Variants in CHORDC1 observed in about 807,000 individuals in gnomAD.
CHORDC1 encodes the protein cysteine and histidine-rich domain-containing protein 1.
A neutral mutation model predicts 48.3 loss-of-function variants in CHORDC1; 25 were observed. The ratio of observed to expected loss-of-function variants is 0.52; its 90% confidence interval spans 0.38 to 0.72. The LOEUF is 0.72. CHORDC1 is among the 30% of genes least tolerant of loss of function. The pLI, the probability that CHORDC1 is intolerant of heterozygous loss-of-function variation, is 0.00. For missense variants in CHORDC1, 317 were observed against 388.7 expected (o/e 0.82, Z 1.55); for synonymous variants, 128 against 126.4 (o/e 1.01, Z -0.09).
intron 5 of CHORDC1, 75 bp downstream of exon 5, chr11:90,211,140 C>T: frequency 2.0e-6 from 2 of 999,666 alleles, no homozygotes; most frequent in Non-Finnish European, 1.5e-6. Context: ...ATGCAGTAAA[C>T]TACTATTCTC....
intron 6 of CHORDC1, chr11:90,206,925 T>C (rs1857712121): frequency 2.4e-6 from 1 of 416,150 alleles, no homozygotes; most frequent in South Asian, 1.9e-5. Flanking sequence ...ATTCTGTGTT[T>C]ATCTTTTATA....
rs1225540738 is a variant in CHORDC1 at position 90,201,877 on chromosome 11, C to T, written c.*528G>A. 2 of 152,170 alleles carry T rather than the reference C, an allele frequency of 1.3e-5. No individual in the cohort carries two copies. The highest frequency in any genetic ancestry group is 2.4e-5 in the African/African-American group (1 of 41,402). 9.4% of individuals were successfully genotyped at this position (152,170 alleles called of 1,614,324 possible). ...TAATTTGTTAAACAATTCATATATTCCCCTTTAGTTACTATACTACCTCAG... is the reference window on the plus strand; with the variant it reads ...TAATTTGTTAAACAATTCATATATTTCCCTTTAGTTACTATACTACCTCAG... On this transcript the variant is annotated 3_prime_UTR_variant, in exon 11 of 11. Coordinates refer to ENST00000320585, the MANE Select transcript of CHORDC1 (RefSeq NM_012124.3).
At chr11:90,205,783 A>G in intron 7 of CHORDC1, 1 of 521,514 alleles carries the variant, frequency 1.9e-6, no homozygotes, top group Admixed American at 3.8e-5. Flanking sequence ...TCTATAAACT[A>G]GAGCATAATA....
intron 6 of CHORDC1, among the ~76,000 whole-genome samples, chr11:90,209,662 T>C (rs1452198946): frequency 1.3e-5 from 2 of 152,132 alleles, no homozygotes; most frequent in African/African-American, 4.8e-5. Flanking sequence ...ATGCAAGTTT[T>C]ATATCAAGTA....
At chr11:90,213,191 A>T in intron 4 of CHORDC1, 1 of 435,802 alleles carries the variant, frequency 2.3e-6, no homozygotes, top group Non-Finnish European at 4.1e-6. Flanking sequence ...ACAAATAAAC[A>T]TCTAAAGTCT....
At chr11:90,222,705 G>C (rs1191140190) in intron 1 of CHORDC1, 186 bp downstream of exon 1, 1 of 711,346 alleles carries the variant, frequency 1.4e-6, no homozygotes, top group South Asian at 1.5e-5. Flanking sequence ...CGCTCGCCAA[G>C]GGAACGCGGC....
chr11:90,211,157 G>C, intron 5 of CHORDC1, 58 bp downstream of exon 5: 2 of 1,184,416 alleles, frequency 1.7e-6, no homozygotes, highest in Non-Finnish European at 2.5e-6. Context: ...TCTCTCTTTT[G>C]GATAACTGCT....
chr11:90,210,584 A>G lies in CHORDC1; in HGVS notation c.444T>C (p.Asn148=), dbSNP rs755242736. The G allele has an allele frequency of 6.3e-7, 1 of 1,578,064 alleles. No homozygotes were observed. The highest frequency in any genetic ancestry group is 8.7e-7 in the Non-Finnish European group (1 of 1,150,560). Residue 148 remains asparagine (N), a synonymous_variant, in exon 6 of 11, where the codon AAT becomes AAC. Transcript: ENST00000320585. ...GNEENKKEED[N]DEIKIGTSCK... ...ATGAGGTCCCAATCTTAATTTCATC[A>G]TTGTCTTCTTCTGTAACAAAGAAAA... is the stretch of plus-strand genomic sequence containing the variant.
chr11:90,221,333 T>C (rs1858166899), intron 1 of CHORDC1, among the ~76,000 whole-genome samples: 1 of 152,188 alleles, frequency 6.6e-6, no homozygotes, highest in South Asian at 2.1e-4. Context: ...TTGAAAAATG[T>C]ATTCTAAGTC....
At chr11:90,211,073 T>C in intron 5 of CHORDC1, 142 bp downstream of exon 5, 1 of 537,268 alleles carries the variant, frequency 1.9e-6, no homozygotes, top group South Asian at 2.5e-5. Context: ...GTTTATCATA[T>C]CTGACATTTA....
chr11:90,202,545 C>T lies in CHORDC1; in HGVS notation c.859G>A (p.Asp287Asn). ...DQNVKLWGVI[D>N]VKRSYVTMTA... ...ATAGTTACATAACTTCGCTTTACAT[C>T]AATCACCTGTAACATATCAAAGAGA... Residue 287 changes from aspartate to asparagine, a missense_variant, in exon 11 of 11, where the codon GAT becomes AAT. Asp to Asn is a conservative substitution (Grantham distance 23). Transcript: ENST00000320585. 6.2e-7 allele frequency: 1 copy of T among 1,613,180 alleles called. No homozygotes were observed. Among genetic ancestry groups the T allele is most frequent in the East Asian group, 2.2e-5 (1 of 44,860 alleles).
intron 4 of CHORDC1, chr11:90,213,596 A>C (rs549093383): frequency 1.1e-5 from 5 of 466,926 alleles, no homozygotes; most frequent in Non-Finnish European, 1.9e-5. Context: ...AGTAGTAATG[A>C]GATTAACGGT....
intron 1 of CHORDC1, among the ~76,000 whole-genome samples, chr11:90,221,499 A>G (rs1858171348): frequency 6.6e-6 from 1 of 152,228 alleles, no homozygotes; most frequent in Non-Finnish European, 1.5e-5. Context: ...CAGACTTCCA[A>G]CAAATGACTA....
intron 4 of CHORDC1, chr11:90,213,714 C>A: frequency 2.2e-6 from 1 of 453,970 alleles, no homozygotes; most frequent in South Asian, 4.9e-5. Flanking sequence ...TTTTACCATG[C>A]CACAGTGAAA....
intron 4 of CHORDC1, chr11:90,213,296 A>G (rs1398569841): frequency 3.2e-6 from 2 of 626,622 alleles, no homozygotes; most frequent in Non-Finnish European, 5.7e-6. Context: ...ATGAGTTCAT[A>G]GCATGAATAA....
chr11:90,203,921 A>G (rs780197775), intron 8 of CHORDC1, among the ~76,000 whole-genome samples: 2 of 152,174 alleles, frequency 1.3e-5, no homozygotes, highest in Non-Finnish European at 2.9e-5. Context: ...TTCCCATTTT[A>G]ATAAAGAACA....
At position 90,202,463 on chromosome 11, in the gene CHORDC1, C is replaced by T. The variant is rs571125493; in HGVS notation, c.941G>A (p.Ser314Asn). The T allele has an allele frequency of 1.8e-5, 29 of 1,612,190 alleles. No homozygotes were observed. In the African/African-American group the frequency reaches 3.6e-4, roughly 20 times the overall value. Residue 314 changes from serine to asparagine, a missense_variant, in exon 11 of 11, where the codon AGC (serine) becomes AAC (asparagine). Coordinates refer to ENST00000320585, the MANE Select transcript of CHORDC1 (RefSeq NM_012124.3). Reference sequence around the variant, plus strand: ...CTTTTTAGCTGCAGGCAGTTCAAGGCTTGCCCACTGCATCGGTTCAGCTTT... The same window carrying T: ...CTTTTTAGCTGCAGGCAGTTCAAGGTTTGCCCACTGCATCGGTTCAGCTTT... ...MRKAEPMQWASLELPAAKKQE... is the reference protein window; with the variant it reads ...MRKAEPMQWANLELPAAKKQE...
At chr11:90,222,212 A>G (rs553559239) in intron 1 of CHORDC1, among the ~76,000 whole-genome samples, 1 of 152,334 alleles carries the variant, frequency 6.6e-6, no homozygotes, top group Non-Finnish European at 1.5e-5. Flanking sequence ...ACATTCACTC[A>G]TTTTATACGG....
Position 90,214,143 on chromosome 11 carries a change from C to T in CHORDC1, c.204G>A (p.Lys68=). 1.9e-6 allele frequency: 3 copies of T among 1,613,238 alleles called. No homozygotes were observed. The highest frequency in any genetic ancestry group is 2.5e-6 in the Non-Finnish European group (3 of 1,179,474). Residue 68 remains lysine, a synonymous_variant, in exon 4 of 11, where the codon AAG becomes AAA. Transcript: ENST00000320585. ...GCTKGRHNSE[K]PPEPVKPEVK... ...CTTCAGGTTTGACTGGCTCAGGTGG[C>T]TTCTCACTATTATGTCTACCTTTTG... is the stretch of plus-strand genomic sequence containing the variant.
Sources: allele counts gnomAD v4.1 joint callset (sites outside exome capture counted in the v4.1 genomes callset), GRCh38; gene constraint gnomAD v4.1.1; transcripts MANE v1.5; gene names NCBI Gene and HGNC (gene_info 2026-07-23, HGNC 2026-07-21).